ABCA13: variants seen among roughly 807,000 people sequenced by gnomAD.
ABCA13 encodes ATP binding cassette subfamily A member 13.
ABCA13 carries 476 observed loss-of-function variants against 478.7 expected under a neutral mutation model. The ratio of observed to expected loss-of-function variants is 0.99; its 90% CI spans 0.92 to 1.07. The LOEUF (loss-of-function observed/expected upper bound fraction) is 1.07, where lower values mean the gene tolerates loss of function less well. Ranked by LOEUF, ABCA13 falls within the 50% of genes least tolerant of loss-of-function variation. The pLI, the probability that ABCA13 is intolerant of heterozygous loss-of-function variation, is 0.00. For missense variants in ABCA13, 6,060 were observed against 5,910.6 expected (o/e 1.03, Z -0.83); for synonymous variants, 2,252 against 2,158.9 (o/e 1.04, Z -1.20).
intron 33 of ABCA13, among the ~76,000 whole-genome samples, chr7:48,372,817 A>C (rs7780112): frequency 0.14 from 20,893 of 152,186 alleles, 1,603 homozygotes; most frequent in East Asian, 0.31. Flanking sequence ...CTAGATTTCT[A>C]AAGCAATTTT....
At position 48,403,723 on chromosome 7, in the gene ABCA13, C is replaced by G; in HGVS notation, c.11914C>G (p.Gln3972Glu). ...DVDLTQHQHK[Q>E]TRALSGGLKR... The stretch of plus-strand genomic sequence containing the variant: ...GGACTTAACTCAGCATCAGCACAAA[C>G]AGACCCGAGCTCTGTCTGGAGGCCT... The change falls in exon 39 of 62, where the codon CAG becomes GAG. Residue 3972 changes from glutamine to glutamate, a missense_variant. Coordinates refer to ENST00000435803, the MANE Select transcript of ABCA13 (RefSeq NM_152701.5). 2 of 1,614,002 alleles carry G rather than the reference C, an allele frequency of 1.2e-6. No individual in the cohort carries two copies. Among genetic ancestry groups the G allele is most frequent in the Non-Finnish European group, 1.7e-6 (2 of 1,179,886 alleles).
chr7:48,508,379 C>A (rs914769058), intron 50 of ABCA13, among the ~76,000 whole-genome samples: 1 of 152,102 alleles, frequency 6.6e-6, no homozygotes, highest in Non-Finnish European at 1.5e-5. Flanking sequence ...TGATAAAAAT[C>A]ATTAGAAATG....
At chr7:48,353,679 A>G (rs1204037422) in intron 31 of ABCA13, among the ~76,000 whole-genome samples, 1 of 151,860 alleles carries the variant, frequency 6.6e-6, no homozygotes, top group East Asian at 2.0e-4. Context: ...GGCTGCATAC[A>G]TAATAGCACA....
At chr7:48,490,984 A>C (rs1438689906) in intron 48 of ABCA13, among the ~76,000 whole-genome samples, 2 of 152,158 alleles carry the variant, frequency 1.3e-5, no homozygotes, top group Non-Finnish European at 2.9e-5. Context: ...AAAAATGATA[A>C]ATTTCAGACA....
At chr7:48,342,918 T>A (rs992368389) in intron 29 of ABCA13, among the ~76,000 whole-genome samples, 1 of 152,186 alleles carries the variant, frequency 6.6e-6, no homozygotes, top group Non-Finnish European at 1.5e-5. Context: ...ATTTAAATTT[T>A]CTTATTTTAA....
At chr7:48,479,268 C>G (rs368601955) in intron 45 of ABCA13, among the ~76,000 whole-genome samples, 4 of 151,760 alleles carry the variant, frequency 2.6e-5, no homozygotes, top group Non-Finnish European at 5.9e-5. Flanking sequence ...GACAGAGTCT[C>G]GCTCTGTGGC....
intron 44 of ABCA13, 73 bp downstream of exon 44, chr7:48,467,118 T>G: frequency 2.9e-6 from 4 of 1,371,360 alleles, no homozygotes; most frequent in Non-Finnish European, 4.2e-6. Context: ...GGACTGTTTT[T>G]CTTCATGATT....
At chr7:48,421,203 T>C (rs112389949) in intron 41 of ABCA13, among the ~76,000 whole-genome samples, 21 of 110,242 alleles carry the variant, frequency 1.9e-4, no homozygotes, top group African/African-American at 5.4e-4. Context: ...TTCTCTCTCT[T>C]TTTTTTTTTG....
chr7:48,269,227 G>T (rs1391195598), intron 16 of ABCA13, 133 bp downstream of exon 16: 1 of 579,896 alleles, frequency 1.7e-6, no homozygotes, highest in Non-Finnish European at 3.1e-6. Flanking sequence ...TTTCATATGA[G>T]CTGTTCAATA....
rs371472026 is a variant in ABCA13 at position 48,507,982 on chromosome 7, A to G, written c.13457A>G (p.Lys4486Arg). ...GTGAGGGACAGGGTGATTGGAGCCA[A>G]AAGGTTGCAGCACATAAGTGGCCTT... ...SVVRDRVIGA[K>R]RLQHISGLGY... The change falls in exon 50 of 62, where the codon AAA (lysine) becomes AGA (arginine). Residue 4486 changes from lysine (K) to arginine (R), a missense_variant. By Grantham distance (26) the Lys-to-Arg change is conservative. Around this residue, in one of 3 missense-constraint regions of ABCA13, gnomAD observed 1,627 missense variants for 1,571.0 expected, o/e 1.04. Coordinates refer to ENST00000435803, the MANE Select transcript of ABCA13 (RefSeq NM_152701.5). The G allele has an allele frequency of 6.2e-7, 1 of 1,613,842 alleles. No homozygotes were observed. Among genetic ancestry groups the G allele is most frequent in the Non-Finnish European group, 8.5e-7 (1 of 1,179,842 alleles).
intron 41 of ABCA13, among the ~76,000 whole-genome samples, chr7:48,415,272 G>A (rs1819822371): frequency 6.7e-6 from 1 of 149,648 alleles, no homozygotes; most frequent in Non-Finnish European, 1.5e-5. Flanking sequence ...GCTTCCAGGG[G>A]TAGTTTTGCC....
At chr7:48,186,347 C>G (rs780775940) in intron 1 of ABCA13, among the ~76,000 whole-genome samples, 3 of 152,046 alleles carry the variant, frequency 2.0e-5, no homozygotes, top group Non-Finnish European at 4.4e-5. Flanking sequence ...GAATTTCTTT[C>G]AGCAATTTAA....
chr7:48,519,932 G>C (rs1832418329), intron 52 of ABCA13, 109 bp from the exon 53 acceptor site: 4 of 1,140,494 alleles, frequency 3.5e-6, no homozygotes, highest in Non-Finnish European at 3.6e-6. Context: ...TTGGGATAGG[G>C]AAGACCTGGA....
chr7:48,470,380 A>G (rs1251100637), intron 44 of ABCA13, among the ~76,000 whole-genome samples: 1 of 152,202 alleles, frequency 6.6e-6, no homozygotes, highest in Admixed American at 6.5e-5. Context: ...CATATATTAA[A>G]TTATAAACAC....
intron 20 of ABCA13, among the ~76,000 whole-genome samples, chr7:48,295,059 C>A (rs1312425632): frequency 6.6e-6 from 1 of 152,150 alleles, no homozygotes; most frequent in African/African-American, 2.4e-5. Context: ...AGTGGGATTT[C>A]TGGATCATAT....
chr7:48,391,679 A>G (rs957960487), intron 37 of ABCA13, among the ~76,000 whole-genome samples: 3 of 152,214 alleles, frequency 2.0e-5, no homozygotes, highest in Admixed American at 1.3e-4. Context: ...TAACCCAATC[A>G]GAAGTCAAGG....
chr7:48,389,567 A>G (rs1046843743), intron 37 of ABCA13, among the ~76,000 whole-genome samples: 1 of 152,238 alleles, frequency 6.6e-6, no homozygotes, highest in South Asian at 2.1e-4. Flanking sequence ...CCTACTAAGT[A>G]TCATCTTGCT....
chr7:48,626,330 C>A (rs1182730868), intron 59 of ABCA13, among the ~76,000 whole-genome samples: 1 of 151,976 alleles, frequency 6.6e-6, no homozygotes, highest in Non-Finnish European at 1.5e-5. Flanking sequence ...GAATTTAAAT[C>A]ACGTGTATGC....
At chr7:48,330,737 A>ACATCCATC (rs201089135) in intron 27 of ABCA13, among the ~76,000 whole-genome samples, 12,563 of 136,854 alleles carry the variant, frequency 0.092, 622 homozygotes, top group East Asian at 0.22. Context: ...ATCCATTGAC[A>ACATCCATC]CATCCATCCA....
Sources: gnomAD v4.1 joint callset for allele counts (sites outside exome capture counted in the v4.1 genomes callset) on GRCh38, gnomAD v4.1.1 for gene constraint, gnomAD v4.1.1 regional missense constraint, MANE v1.5 for transcripts, NCBI Gene and HGNC (gene_info 2026-07-23, HGNC 2026-07-21) for gene names.